Variants in ZDHHC14 observed in about 807,000 individuals in gnomAD.
ZDHHC14 encodes zDHHC palmitoyltransferase 14.
A neutral mutation model predicts 47.7 loss-of-function variants in ZDHHC14; 16 were observed. The ratio of observed to expected loss-of-function variants is 0.34; its 90% CI spans 0.23 to 0.51. The LOEUF (loss-of-function observed/expected upper bound fraction) is 0.51. ZDHHC14 is among the 20% of genes least tolerant of loss of function. The pLI is 0.97. For missense variants in ZDHHC14, 515 were observed against 662.5 expected, an observed-to-expected ratio of 0.78 and a Z score of 2.44; for synonymous variants, 293 against 278.9, an observed-to-expected ratio of 1.05 and a Z score of -0.50.
At chr6:157,633,429 C>T (rs1384483878) in intron 5 of ZDHHC14, among the ~76,000 whole-genome samples, 1 of 152,170 alleles carries the variant, frequency 6.6e-6, no homozygotes, top group Non-Finnish European at 1.5e-5. Context: ...GGATTCCCAT[C>T]CTCCCAAGCA....
At chr6:157,554,979 G>A (rs1241511725) in intron 2 of ZDHHC14, among the ~76,000 whole-genome samples, 2 of 152,210 alleles carry the variant, frequency 1.3e-5, no homozygotes, top group Non-Finnish European at 2.9e-5. Context: ...CACCCGAAGT[G>A]GGAGTGGGAG....
At chr6:157,479,000 G>C (rs766726720) in intron 1 of ZDHHC14, among the ~76,000 whole-genome samples, 1 of 152,138 alleles carries the variant, frequency 6.6e-6, no homozygotes, top group Non-Finnish European at 1.5e-5. Context: ...AAAGGTCCGC[G>C]GGGAGACATA....
At chr6:157,445,903 G>A (rs1470884392) in intron 1 of ZDHHC14, among the ~76,000 whole-genome samples, 1 of 152,084 alleles carries the variant, frequency 6.6e-6, no homozygotes, top group Middle Eastern at 3.2e-3. Context: ...AATTATCCAG[G>A]GCAAAGTCAT....
In ZDHHC14 at chr6:157,540,933, T is replaced by TATATATATATATATATATATAA. The variant is rs1252700559; in HGVS notation, c.246-1651_246-1650insTATATATATATATATATATAAA. 7.2e-4 allele frequency among the ~76,000 whole-genome samples: 103 copies of TATATATATATATATATATATAA among 143,324 alleles called. 1 individual carries two copies. The highest frequency in any genetic ancestry group is 2.8e-3 in the African/African-American group (98 of 35,524). The allele number at this position is 143,324 out of a possible 152,430, so 94.0% of individuals were successfully genotyped here. On this transcript the variant is annotated intron_variant, in intron 1 of 8. Transcript: ENST00000359775. The stretch of plus-strand genomic sequence containing the variant: ...GTGTATATATATATATATATATATA[T>TATATATATATATATATATATAA]AATTTCATACCAGGGTAATTTCATG...
intron 3 of ZDHHC14, among the ~76,000 whole-genome samples, chr6:157,621,072 CT>C: frequency 6.6e-6 from 1 of 152,168 alleles, no homozygotes; most frequent in South Asian, 2.1e-4. Flanking sequence ...CAGAACTCTC[CT>C]GAGTCATCGG....
chr6:157,499,001 A>T (rs1439595826), intron 1 of ZDHHC14, among the ~76,000 whole-genome samples: 3 of 152,088 alleles, frequency 2.0e-5, no homozygotes, highest in Non-Finnish European at 2.9e-5. Context: ...ACTGTGTTTG[A>T]CACTACTTTT....
intron 1 of ZDHHC14, among the ~76,000 whole-genome samples, chr6:157,397,458 T>C (rs1375879359): frequency 6.6e-6 from 1 of 152,156 alleles, no homozygotes; most frequent in African/African-American, 2.4e-5. Flanking sequence ...CTTCTGGAGC[T>C]ATCTTGCAGT....
At chr6:157,560,553 A>G (rs1177959631) in intron 2 of ZDHHC14, among the ~76,000 whole-genome samples, 2 of 152,170 alleles carry the variant, frequency 1.3e-5, no homozygotes, top group Non-Finnish European at 2.9e-5. Context: ...GGAAATATAA[A>G]CAAGTTTTTT....
chr6:157,477,239 G>T (rs1779510804), intron 1 of ZDHHC14, among the ~76,000 whole-genome samples: 1 of 152,190 alleles, frequency 6.6e-6, no homozygotes, highest in African/African-American at 2.4e-5. Flanking sequence ...AATTAGCTGG[G>T]CGTGGTGGTG....
chr6:157,512,225 G>C (rs146889739), intron 1 of ZDHHC14, among the ~76,000 whole-genome samples: 2 of 152,276 alleles, frequency 1.3e-5, no homozygotes, highest in African/African-American at 4.8e-5. Context: ...GTGTGGAGCC[G>C]GGATTTGAAC....
At chr6:157,507,539 C>T (rs1478669672) in intron 1 of ZDHHC14, among the ~76,000 whole-genome samples, 1 of 152,184 alleles carries the variant, frequency 6.6e-6, no homozygotes. Flanking sequence ...ACCTTGGCCT[C>T]CGAAAGTGCT....
chr6:157,458,848 G>GGTTTTTTTTTTTTTTTTT (rs1778990291), intron 1 of ZDHHC14, among the ~76,000 whole-genome samples: 1 of 68,756 alleles, frequency 1.5e-5, no homozygotes, highest in African/African-American at 5.5e-5. Context: ...AATGTGGGTG[G>GGTTTTTTTTTTTTTTTTT]ATTTTTTTTT....
At chr6:157,492,198 C>CTGCCCCG (rs1779937698) in intron 1 of ZDHHC14, among the ~76,000 whole-genome samples, 3 of 121,112 alleles carry the variant, frequency 2.5e-5, no homozygotes, top group Admixed American at 9.3e-5. Context: ...CATCCCCCCT[C>CTGCCCCG]CGCCCCCGCC....
chr6:157,497,693 C>T (rs1385509088), intron 1 of ZDHHC14, among the ~76,000 whole-genome samples: 1 of 152,174 alleles, frequency 6.6e-6, no homozygotes. Flanking sequence ...AACATCTGAG[C>T]ATATTGTTCA....
intron 1 of ZDHHC14, among the ~76,000 whole-genome samples, chr6:157,473,909 T>TA (rs758429246): frequency 1.0e-3 from 148 of 146,954 alleles, no homozygotes; most frequent in African/African-American, 1.3e-3. Context: ...CCCCAAATCT[T>TA]AAAAAAAAAA....
chr6:157,630,890 C>G (rs964020923), intron 4 of ZDHHC14: 5 of 123,632 alleles, frequency 4.0e-5, no homozygotes, highest in Non-Finnish European at 6.8e-5. Context: ...ACACACACAT[C>G]CTTACCCACA....
intron 1 of ZDHHC14, among the ~76,000 whole-genome samples, chr6:157,497,211 G>A (rs192684383): frequency 2.7e-4 from 41 of 152,292 alleles, no homozygotes; most frequent in African/African-American, 8.7e-4. Context: ...TGAGGGAAGC[G>A]GGAAGGAATT....
intron 1 of ZDHHC14, among the ~76,000 whole-genome samples, chr6:157,493,879 C>T (rs1049002792): frequency 2.0e-5 from 3 of 152,226 alleles, no homozygotes; most frequent in Non-Finnish European, 4.4e-5. Context: ...CCCTCTGCCG[C>T]TCCCATGGCA....
chr6:157,563,729 T>C (rs554397160), intron 2 of ZDHHC14, among the ~76,000 whole-genome samples: 13 of 152,356 alleles, frequency 8.5e-5, no homozygotes, highest in Non-Finnish European at 1.9e-4. Context: ...ATTGCAGATG[T>C]CCAGACCTCA....
Sources: gnomAD v4.1 joint callset for allele counts (sites outside exome capture counted in the v4.1 genomes callset) on GRCh38, gnomAD v4.1.1 for gene constraint, MANE v1.5 for transcripts, NCBI Gene and HGNC (gene_info 2026-07-23, HGNC 2026-07-21) for gene names.